Variants in CAMTA1 observed in about 807,000 individuals in gnomAD.
The protein encoded by CAMTA1 is calmodulin binding transcription activator 1.
Under a neutral mutation model 170.9 loss-of-function variants are expected in CAMTA1, and 27 were observed. That is an observed-to-expected ratio of 0.16 (90% CI 0.12 to 0.22). The LOEUF is 0.22. Ranked by LOEUF, CAMTA1 falls within the 10% of genes least tolerant of loss-of-function variation. The pLI, the probability that CAMTA1 is intolerant of heterozygous loss-of-function variation, is 1.00. For missense variants in CAMTA1, 1,619 were observed against 2,217.2 expected (o/e 0.73, Z 5.42); for synonymous variants, 833 against 891.5 (o/e 0.93, Z 1.17).
chr1:7,627,048 G>A (rs1325556104), intron 6 of CAMTA1, among the ~76,000 whole-genome samples: 1 of 152,134 alleles, frequency 6.6e-6, no homozygotes, highest in Admixed American at 6.5e-5. Flanking sequence ...ATTGGCCCAA[G>A]GGACTCCTAC....
At chr1:7,688,482 A>G (rs1305270594) in intron 11 of CAMTA1, among the ~76,000 whole-genome samples, 2 of 152,126 alleles carry the variant, frequency 1.3e-5, no homozygotes, top group Non-Finnish European at 2.9e-5. Context: ...TTGGGCTCCC[A>G]GAATCCATCT....
chr1:7,524,923 A>G (rs775765941), intron 6 of CAMTA1, among the ~76,000 whole-genome samples: 5 of 152,142 alleles, frequency 3.3e-5, no homozygotes, highest in South Asian at 2.1e-4. Context: ...AGGAAAAGGA[A>G]CCCTGACAAA....
At chr1:6,988,344 A>G (rs1695709965) in intron 3 of CAMTA1, among the ~76,000 whole-genome samples, 1 of 152,148 alleles carries the variant, frequency 6.6e-6, no homozygotes, top group Admixed American at 6.5e-5. Flanking sequence ...AGGCAGACCT[A>G]ATGAAAACCC....
At chr1:7,415,264 A>G (rs193165799) in intron 5 of CAMTA1, among the ~76,000 whole-genome samples, 138,813 of 151,492 alleles carry the variant, frequency 0.92, 63,682 homozygotes, top group East Asian at 0.99. Flanking sequence ...CTCTGTAGAC[A>G]TCTATTAGGT....
intron 4 of CAMTA1, among the ~76,000 whole-genome samples, chr1:7,104,171 C>G (rs949079099): frequency 2.6e-5 from 4 of 151,154 alleles, no homozygotes; most frequent in Admixed American, 6.6e-5. Flanking sequence ...TACAACTACA[C>G]ACATATACAC....
intron 5 of CAMTA1, among the ~76,000 whole-genome samples, chr1:7,423,021 A>G (rs1452945056): frequency 6.6e-6 from 1 of 152,256 alleles, no homozygotes; most frequent in Admixed American, 6.5e-5. Context: ...TGTTTTCTCC[A>G]TTAATCTCAA....
chr1:6,910,685 T>C (rs962834179), intron 3 of CAMTA1, among the ~76,000 whole-genome samples: 1 of 152,230 alleles, frequency 6.6e-6, no homozygotes, highest in Non-Finnish European at 1.5e-5. Flanking sequence ...TTTCTGTTTA[T>C]AGAGCGCAGC....
rs532940910 is a variant in CAMTA1, at chr1:6,970,659, T to C, written c.235-120645T>C. 1.3e-5 allele frequency among the ~76,000 whole-genome samples: 2 copies of C among 152,286 alleles called. No homozygotes were observed. The highest frequency in any genetic ancestry group is 2.1e-4 in the South Asian group (1 of 4,810). ...AGGCAATAGTTAGGAATGTGATCGA[T>C]GTGCATATCAGAAGCACAGGGGGCT... On this transcript the variant is annotated intron_variant, in intron 3 of 22. Transcript: ENST00000303635. This position sits in a 1 kb window ranked among gnomAD's most constrained non-coding sequence, Gnocchi z 4.4.
At chr1:7,431,868 G>T (rs2092175048) in intron 5 of CAMTA1, among the ~76,000 whole-genome samples, 1 of 152,104 alleles carries the variant, frequency 6.6e-6, no homozygotes, top group African/African-American at 2.4e-5. Flanking sequence ...CCATCCCCAA[G>T]CTCCCAAAGT....
At chr1:7,281,799 TTGTGTGTGTGTGTGTGTGTG>T (rs57489369) in intron 5 of CAMTA1, among the ~76,000 whole-genome samples, 5 of 139,218 alleles carry the variant, frequency 3.6e-5, no homozygotes, top group South Asian at 5.0e-4. Flanking sequence ...GGGAAAGAAA[TTGTGTGTGTGTGTGTGTGTG>T]TGTGTGTGTG....
At chr1:7,179,992 T>A (rs1317447638) in intron 4 of CAMTA1, among the ~76,000 whole-genome samples, 1 of 152,094 alleles carries the variant, frequency 6.6e-6, no homozygotes, top group African/African-American at 2.4e-5. Flanking sequence ...CTTGCTAGCA[T>A]AAAAAATGGA....
Position 7,333,585 on chromosome 1 carries a change from C to G in CAMTA1, c.438+83959C>G, listed in dbSNP as rs1474062026. Among the ~76,000 whole-genome samples, 1 of 152,208 alleles carries G rather than the reference C, an allele frequency of 6.6e-6. No individual in the cohort carries two copies. Among genetic ancestry groups the G allele is most frequent in the Admixed American group, 6.5e-5 (1 of 15,288 alleles). On this transcript the variant is annotated intron_variant, in intron 5 of 22. Coordinates refer to ENST00000303635, the MANE Select transcript of CAMTA1 (RefSeq NM_015215.4). This position sits in a 1 kb window ranked among gnomAD's most constrained non-coding sequence, Gnocchi z 4.4. ...CTTCATATTGGATCCAGGAAGACAA[C>G]TTTGTGAAAGGAAAAGGCTGAGGGG...
intron 6 of CAMTA1, among the ~76,000 whole-genome samples, chr1:7,507,177 ACT>A (rs1341218236): frequency 1.3e-5 from 2 of 151,368 alleles, no homozygotes; most frequent in East Asian, 1.9e-4. Flanking sequence ...ACACGCTCAC[ACT>A]CACATACATA....
chr1:7,403,642 A>T (rs2090076545), intron 5 of CAMTA1, among the ~76,000 whole-genome samples: 1 of 152,162 alleles, frequency 6.6e-6, no homozygotes, highest in Non-Finnish European at 1.5e-5. Context: ...GCTACCGGCA[A>T]AGGTGAGTAG....
intron 5 of CAMTA1, among the ~76,000 whole-genome samples, chr1:7,407,611 G>C: frequency 6.6e-6 from 1 of 152,190 alleles, no homozygotes; most frequent in South Asian, 2.1e-4. Context: ...TGACTGCAAA[G>C]GTGGTCTCTA....
chr1:7,680,281 C>T lies in CAMTA1; in HGVS notation c.2914+2548C>T. 1 of 208,952 alleles carries T rather than the reference C, an allele frequency of 4.8e-6. No homozygotes were observed. Among genetic ancestry groups the T allele is most frequent in the South Asian group, 4.5e-5 (1 of 22,374 alleles). The allele number at this position is 208,952 out of a possible 1,614,324, so 12.9% of individuals were successfully genotyped here. On this transcript the variant is annotated intron_variant, in intron 11 of 22. Transcript: ENST00000303635. The surrounding 1 kb of genome is among the most constrained non-coding windows in gnomAD (Gnocchi z 4.4). ...CCTCGGTCTCCGCAGCTTCTCGGCT[C>T]AGCCCCTCCCGTCCCCGCGGGCGCT... is the stretch of plus-strand genomic sequence containing the variant.
At chr1:7,499,706 G>A (rs1290262072) in intron 6 of CAMTA1, among the ~76,000 whole-genome samples, 1 of 137,534 alleles carries the variant, frequency 7.3e-6, no homozygotes, top group African/African-American at 2.7e-5. Context: ...ATATGTATAT[G>A]AGTGTGTGTG....
chr1:7,176,270 C>T (rs991308843), intron 4 of CAMTA1, among the ~76,000 whole-genome samples: 1 of 152,184 alleles, frequency 6.6e-6, no homozygotes, highest in Non-Finnish European at 1.5e-5. Context: ...TCTGTCCGAG[C>T]AGGAGGAGCA....
chr1:7,146,386 T>C lies in CAMTA1; in HGVS notation c.302+55015T>C, dbSNP rs151337749. Among the ~76,000 whole-genome samples the C allele has an allele frequency of 0.01, 1,536 of 152,264 alleles. 16 individuals carry two copies. The highest frequency in any genetic ancestry group is 0.015 in the Non-Finnish European group (999 of 68,000). ...TATGAAAGAAGTGAAGAGATAAGAA[T>C]GTGTAGGAAGGTTATCTTTCAATTA... is the stretch of plus-strand genomic sequence containing the variant. On this transcript the variant is annotated intron_variant, in intron 4 of 22. Transcript: ENST00000303635. This position sits in a 1 kb window ranked among gnomAD's most constrained non-coding sequence, Gnocchi z 4.3.
Sources: gnomAD v4.1 joint callset for allele counts (sites outside exome capture counted in the v4.1 genomes callset) on GRCh38, gnomAD v4.1.1 for gene constraint, Gnocchi (gnomAD v3.1) non-coding constraint, MANE v1.5 for transcripts, NCBI Gene and HGNC (gene_info 2026-07-23, HGNC 2026-07-21) for gene names.